PKD1L1: variants seen among roughly 807,000 people sequenced by gnomAD.
The protein encoded by PKD1L1 is polycystin 1 like 1, transient receptor potential channel interacting.
PKD1L1 carries 236 observed loss-of-function variants against 323.4 expected under a neutral mutation model. The observed-to-expected ratio is 0.73, with a 90% CI of 0.66 to 0.81. PKD1L1 has a LOEUF of 0.81. Among genes scored for constraint, PKD1L1 ranks in the 40% least tolerant of loss-of-function variants. The pLI is 0.00. For synonymous variants in PKD1L1, 1,344 were observed against 1,335.0 expected (o/e 1.01, Z -0.15); for missense variants, 3,320 against 3,508.0 (o/e 0.95, Z 1.35).
intron 55 of PKD1L1, among the ~76,000 whole-genome samples, chr7:47,793,361 G>T (rs1413362657): frequency 2.0e-5 from 3 of 152,052 alleles, no homozygotes; most frequent in African/African-American, 4.8e-5. Flanking sequence ...GGAGGGACCT[G>T]GGGGGAGGTA....
chr7:47,898,304 A>C, intron 13 of PKD1L1, 110 bp from the exon 14 acceptor site: 1 of 886,420 alleles, frequency 1.1e-6, no homozygotes, highest in Non-Finnish European at 1.7e-6. Flanking sequence ...ATTTGTTTGC[A>C]TAGTGACAGA....
intron 26 of PKD1L1, among the ~76,000 whole-genome samples, chr7:47,860,700 CT>C (rs1379169677): frequency 6.6e-6 from 1 of 152,162 alleles, no homozygotes; most frequent in Non-Finnish European, 1.5e-5. Context: ...ACAATGCCCA[CT>C]TTTTTGACCA....
At chr7:47,928,632 G>A (rs985540673) in intron 7 of PKD1L1, among the ~76,000 whole-genome samples, 2 of 152,094 alleles carry the variant, frequency 1.3e-5, no homozygotes, top group African/African-American at 4.8e-5. Context: ...ATCCGTAAGT[G>A]GAAAAGTATC....
chr7:47,911,270 G>T (rs1322303029), intron 8 of PKD1L1, among the ~76,000 whole-genome samples: 2 of 152,118 alleles, frequency 1.3e-5, no homozygotes, highest in Non-Finnish European at 2.9e-5. Flanking sequence ...TGTGCCTGCT[G>T]CCCTGTAGCC....
At chr7:47,897,732 G>A (rs1210526233) in intron 14 of PKD1L1, among the ~76,000 whole-genome samples, 2 of 152,132 alleles carry the variant, frequency 1.3e-5, no homozygotes, top group Non-Finnish European at 2.9e-5. Flanking sequence ...TTCAAATTAG[G>A]TACACAGGAA....
chr7:47,908,883 G>A (rs1787262693), intron 8 of PKD1L1, among the ~76,000 whole-genome samples: 1 of 152,142 alleles, frequency 6.6e-6, no homozygotes, highest in African/African-American at 2.4e-5. Flanking sequence ...ATTGTCATTG[G>A]GACCATGTCA....
chr7:47,880,285 T>TATATA (rs1491195893), intron 21 of PKD1L1, among the ~76,000 whole-genome samples: 22 of 64,454 alleles, frequency 3.4e-4, no homozygotes, highest in East Asian at 9.9e-4. Context: ...TATATATATA[T>TATATA]TTTTTTTTTT....
intron 19 of PKD1L1, among the ~76,000 whole-genome samples, chr7:47,882,290 C>T (rs1583645324): frequency 1.4e-5 from 1 of 74,030 alleles, no homozygotes; most frequent in East Asian, 3.5e-4. Flanking sequence ...TCTTCCCTCC[C>T]TCCCTCCCTC....
intron 36 of PKD1L1, among the ~76,000 whole-genome samples, chr7:47,838,016 G>A (rs1785493509): frequency 1.3e-5 from 2 of 152,296 alleles, no homozygotes; most frequent in South Asian, 4.1e-4. Flanking sequence ...AAGCTCTCAA[G>A]CACAACAGCT....
intron 7 of PKD1L1, among the ~76,000 whole-genome samples, chr7:47,916,201 C>T (rs1056585739): frequency 9.2e-5 from 14 of 152,156 alleles, no homozygotes; most frequent in Admixed American, 6.5e-4. Context: ...TACCTGTCAT[C>T]GAGGAGAAAA....
rs1165651499 is a variant in PKD1L1, at chr7:47,845,938, G to A, written c.5154-860C>T. On this transcript the variant is annotated intron_variant, in intron 32 of 56. Transcript: ENST00000289672. Reference sequence around the variant, plus strand: ...AAAGTGCCTAGCAGAGAGTAGTTACGTAATGGAGAATGAATGATTGCATTA... The same window carrying A: ...AAAGTGCCTAGCAGAGAGTAGTTACATAATGGAGAATGAATGATTGCATTA... 5.9e-5 allele frequency among the ~76,000 whole-genome samples: 9 copies of A among 152,284 alleles called. No individual in the cohort carries two copies. In the South Asian group the frequency reaches 6.2e-4, roughly 11 times the overall value.
At position 47,880,917 on chromosome 7, in the gene PKD1L1, T is replaced by C. The variant is rs75692567; in HGVS notation, c.3443-112A>G. On this transcript the variant is annotated intron_variant, in intron 20 of 56. Coordinates refer to ENST00000289672, the MANE Select transcript of PKD1L1 (RefSeq NM_138295.5). Reference sequence around the variant, plus strand: ...TCTTCCCCCAGGGGTGAAATTAACATAGATACTAGTGAAACATGCCACTCC... The same window carrying C: ...TCTTCCCCCAGGGGTGAAATTAACACAGATACTAGTGAAACATGCCACTCC... 4,492 of 705,110 alleles carry C rather than the reference T, an allele frequency of 6.4e-3. 148 individuals carry two copies. The African/African-American group carries it at 0.075, about 12-fold the overall frequency. The allele number at this position is 705,110 out of a possible 1,614,324, so 43.7% of individuals were successfully genotyped here. A position where few individuals can be genotyped will look rare whatever the true frequency, so the allele number is the denominator to read the frequency against.
At chr7:47,905,526 T>G (rs1231027302) in intron 10 of PKD1L1, among the ~76,000 whole-genome samples, 1 of 152,182 alleles carries the variant, frequency 6.6e-6, no homozygotes, top group Non-Finnish European at 1.5e-5. Flanking sequence ...GGCCCCAAAG[T>G]GCTTGCACAG....
At chr7:47,907,836 T>A (rs1288838016) in intron 9 of PKD1L1, among the ~76,000 whole-genome samples, 3 of 152,326 alleles carry the variant, frequency 2.0e-5, no homozygotes, top group Non-Finnish European at 4.4e-5. Flanking sequence ...CCTATGCATA[T>A]CTTAATATTT....
At chr7:47,907,176 C>CACTAGTCTGATTAT (rs1319701542) in intron 9 of PKD1L1, among the ~76,000 whole-genome samples, 1 of 152,192 alleles carries the variant, frequency 6.6e-6, no homozygotes, top group Non-Finnish European at 1.5e-5. Flanking sequence ...GAGAGTTTCT[C>CACTAGTCTGATTAT]ACTAGTCTGA....
At chr7:47,798,870 AG>A (rs879399221) in intron 54 of PKD1L1, among the ~76,000 whole-genome samples, 1 of 152,038 alleles carries the variant, frequency 6.6e-6, no homozygotes, top group African/African-American at 2.4e-5. Context: ...GGACACCAAC[AG>A]CAAAATCCAT....
intron 2 of PKD1L1, among the ~76,000 whole-genome samples, chr7:47,942,876 G>A (rs59023024): frequency 0.12 from 18,406 of 152,022 alleles, 1,239 homozygotes; most frequent in East Asian, 0.24. Flanking sequence ...GCCAGGCGCC[G>A]TGGCTCATGC....
chr7:47,908,141 C>A lies in PKD1L1; in HGVS notation c.1338G>T (p.Met446Ile), dbSNP rs761759553. Residue 446 changes from methionine (M) to isoleucine (I), a missense_variant, in exon 9 of 57, where the codon ATG becomes ATT. By Grantham distance (10) the Met-to-Ile change is conservative. Coordinates refer to ENST00000289672, the MANE Select transcript of PKD1L1 (RefSeq NM_138295.5). ...CATCTTCATGGACACTGCTGGAGTT[C>A]ATGAACGCAGACACGGCCTCATGGC... ...EIGHEAVSAF[M>I]NSSSVHEDEV... 2 of 1,614,108 alleles carry A rather than the reference C, an allele frequency of 1.2e-6. No individual in the cohort carries two copies. The highest frequency in any genetic ancestry group is 4.5e-5 in the East Asian group (2 of 44,900).
At chr7:47,856,418 C>A (rs899747784) in intron 28 of PKD1L1, among the ~76,000 whole-genome samples, 1 of 152,232 alleles carries the variant, frequency 6.6e-6, no homozygotes, top group Non-Finnish European at 1.5e-5. Context: ...TATATATGAA[C>A]TCTATCCCTA....
Sources: gnomAD v4.1 joint callset for allele counts (sites outside exome capture counted in the v4.1 genomes callset) on GRCh38, gnomAD v4.1.1 for gene constraint, MANE v1.5 for transcripts, NCBI Gene and HGNC (gene_info 2026-07-23, HGNC 2026-07-21) for gene names.